PKIB: variants seen among roughly 807,000 people sequenced by gnomAD.
PKIB encodes cAMP-dependent protein kinase inhibitor beta, also known as PKI-beta.
Under a neutral mutation model 4.5 loss-of-function variants are expected in PKIB, and 2 were observed. The ratio of observed to expected loss-of-function variants is 0.44; its 90% CI spans 0.18 to 1.39. The LOEUF is 1.39. Ranked by LOEUF, PKIB falls within the 40% of genes most tolerant of loss-of-function variation. The probability of loss-of-function intolerance (pLI) is 0.27; values close to 1 mark genes in which losing one functional copy is unlikely to be tolerated. For missense variants in PKIB, 94 were observed against 92.6 expected (o/e 1.02, Z -0.06); for synonymous variants, 38 against 36.0 (o/e 1.06, Z -0.20).
chr6:122,694,389 T>G (rs1353259505), intron 3 of PKIB, among the ~76,000 whole-genome samples: 2 of 152,182 alleles, frequency 1.3e-5, no homozygotes, highest in Non-Finnish European at 2.9e-5. Context: ...TAAGATTAAT[T>G]TTCAGTAAAT....
At position 122,667,580 on chromosome 6, in the gene PKIB, G is replaced by A. The variant is rs553164144; in HGVS notation, c.-75-7498G>A. 5.9e-5 allele frequency among the ~76,000 whole-genome samples: 9 copies of A among 152,172 alleles called. No individual in the cohort carries two copies. In the South Asian group the frequency reaches 1.9e-3, roughly 32 times the overall value. ...TAAAAATAAAAGTTGTAAGTGAGAT[G>A]AAAGATAATGTAAAGCTTATGAACT... On this transcript the variant is annotated intron_variant, in intron 2 of 4. Transcript: ENST00000368452.
chr6:122,536,288 G>A (rs1398435352), intron 2 of PKIB, among the ~76,000 whole-genome samples: 9 of 152,188 alleles, frequency 5.9e-5, no homozygotes, highest in Non-Finnish European at 1.5e-5. Context: ...AAAAAAGACA[G>A]TGGAAAAATT....
At chr6:122,686,231 T>G (rs904012941) in intron 3 of PKIB, among the ~76,000 whole-genome samples, 3 of 152,190 alleles carry the variant, frequency 2.0e-5, no homozygotes, top group Non-Finnish European at 4.4e-5. Flanking sequence ...AACTTCAAAG[T>G]GTTCTCCACA....
At chr6:122,553,517 C>G (rs1176407513) in intron 2 of PKIB, among the ~76,000 whole-genome samples, 2 of 51,310 alleles carry the variant, frequency 3.9e-5, no homozygotes, top group African/African-American at 8.2e-5. Context: ...AAAAAGGCTT[C>G]CCTGACTCTT....
At chr6:122,672,864 GA>G (rs1282910121) in intron 2 of PKIB, among the ~76,000 whole-genome samples, 2 of 151,886 alleles carry the variant, frequency 1.3e-5, no homozygotes, top group East Asian at 3.9e-4. Flanking sequence ...TACTGTTCTT[GA>G]AATCTTCCCA....
intron 3 of PKIB, among the ~76,000 whole-genome samples, chr6:122,690,113 A>G (rs1429285085): frequency 2.0e-5 from 3 of 149,442 alleles, no homozygotes; most frequent in Non-Finnish European, 4.5e-5. Context: ...ATCTTTCTCC[A>G]TCTTTATTTT....
chr6:122,723,315 T>G (rs1779814923), intron 4 of PKIB, among the ~76,000 whole-genome samples: 1 of 152,144 alleles, frequency 6.6e-6, no homozygotes, highest in Non-Finnish European at 1.5e-5. Context: ...CGCTTGGATA[T>G]CTAATGGGAA....
At chr6:122,619,968 C>G (rs1487125652) in intron 1 of PKIB, among the ~76,000 whole-genome samples, 1 of 152,138 alleles carries the variant, frequency 6.6e-6, no homozygotes, top group African/African-American at 2.4e-5. Context: ...TGACTCTCCC[C>G]TGGGTATCTT....
chr6:122,519,850 A>G (rs2114597074), intron 2 of PKIB, among the ~76,000 whole-genome samples: 1 of 152,308 alleles, frequency 6.6e-6, no homozygotes, highest in East Asian at 1.9e-4. Context: ...CCAATCCTAG[A>G]TGGAAACAGA....
upstream of PKIB, among the ~76,000 whole-genome samples, chr6:122,608,197 C>T (rs1441359158): frequency 6.6e-6 from 1 of 152,154 alleles, no homozygotes; most frequent in Non-Finnish European, 1.5e-5. Flanking sequence ...TTGGACTCTT[C>T]CTTCTTCTCC....
At chr6:122,607,315 AAAC>A (rs1774574479), upstream of PKIB, among the ~76,000 whole-genome samples, 1 of 150,480 alleles carries the variant, frequency 6.6e-6, no homozygotes, top group Admixed American at 6.6e-5. Context: ...CTCTACAAAA[AAAC>A]AAAACAAAAC....
chr6:122,644,602 A>G (rs1382834414), intron 2 of PKIB: 8 of 152,348 alleles, frequency 5.3e-5, no homozygotes, highest in African/African-American at 1.7e-4. Context: ...TTTGTAAAGT[A>G]CTTAGAATAT....
At chr6:122,573,798 A>G (rs1411381937) in intron 2 of PKIB, among the ~76,000 whole-genome samples, 2 of 152,234 alleles carry the variant, frequency 1.3e-5, no homozygotes, top group African/African-American at 2.4e-5. Flanking sequence ...ACATATGACA[A>G]ATCAACAGCC....
chr6:122,702,841 A>C (rs1778883615), intron 3 of PKIB, among the ~76,000 whole-genome samples: 1 of 152,178 alleles, frequency 6.6e-6, no homozygotes, highest in Non-Finnish European at 1.5e-5. Flanking sequence ...AATAATAACT[A>C]TATATGATAT....
At chr6:122,506,153 T>G (rs913631956) in intron 2 of PKIB, among the ~76,000 whole-genome samples, 1 of 152,174 alleles carries the variant, frequency 6.6e-6, no homozygotes, top group African/African-American at 2.4e-5. Flanking sequence ...GTATCCAAAC[T>G]TTTTTTAAAT....
chr6:122,487,404 T>A (rs1775799659), intron 2 of PKIB, among the ~76,000 whole-genome samples: 2 of 152,222 alleles, frequency 1.3e-5, no homozygotes, highest in Admixed American at 1.3e-4. Context: ...TTCATGTTTG[T>A]GTTCACCCCC....
intron 2 of PKIB, among the ~76,000 whole-genome samples, chr6:122,568,929 G>A (rs1773275614): frequency 6.6e-6 from 1 of 152,268 alleles, no homozygotes; most frequent in African/African-American, 2.4e-5. Context: ...AGTGCTGTTA[G>A]TGGAGCACTG....
At chr6:122,708,902 A>G (rs1779163464) in intron 3 of PKIB, among the ~76,000 whole-genome samples, 1 of 152,088 alleles carries the variant, frequency 6.6e-6, no homozygotes, top group Non-Finnish European at 1.5e-5. Context: ...CAAAACCCTG[A>G]GATTACAGGC....
intron 2 of PKIB, among the ~76,000 whole-genome samples, chr6:122,671,512 A>G (rs1777463007): frequency 6.6e-6 from 1 of 152,096 alleles, no homozygotes; most frequent in Admixed American, 6.5e-5. Flanking sequence ...TTGTCCTCCA[A>G]ACTACATTTC....
Sources: allele counts gnomAD v4.1 joint callset (sites outside exome capture counted in the v4.1 genomes callset), GRCh38; gene constraint gnomAD v4.1.1; transcripts MANE v1.5; gene names NCBI Gene and HGNC (gene_info 2026-07-23, HGNC 2026-07-21).